DUSP22: variants seen among roughly 807,000 people sequenced by gnomAD.
DUSP22 encodes dual specificity protein phosphatase 22.
Under a neutral mutation model 24.5 loss-of-function variants are expected in DUSP22, and 24 were observed. The observed-to-expected ratio is 0.98, with a 90% CI of 0.71 to 1.38. The LOEUF is 1.38. Among genes scored for constraint, DUSP22 ranks in the 40% most tolerant of loss-of-function variants. DUSP22 has a pLI of 0.00. For synonymous variants in DUSP22, 160 were observed against 106.4 expected (o/e 1.50, Z -3.10); for missense variants, 330 against 269.2 (o/e 1.23, Z -1.58).
At chr6:336,786 G>A (rs1759378694) in intron 4 of DUSP22, among the ~76,000 whole-genome samples, 1 of 152,306 alleles carries the variant, frequency 6.6e-6, no homozygotes, top group South Asian at 2.1e-4. Context: ...AGGAGAAGCA[G>A]CATTAGAGAA....
At chr6:340,607 G>T (rs1759565320) in intron 4 of DUSP22, among the ~76,000 whole-genome samples, 1 of 152,298 alleles carries the variant, frequency 6.6e-6, no homozygotes, top group African/African-American at 2.4e-5. Flanking sequence ...AAGGATGCTT[G>T]CCTTTTTTGG....
intron 2 of DUSP22, among the ~76,000 whole-genome samples, chr6:310,365 CCT>C (rs1405634657): frequency 2.0e-5 from 3 of 152,298 alleles, no homozygotes; most frequent in East Asian, 1.9e-4. Flanking sequence ...CTGCTGGCCC[CCT>C]GTTTTGTAGA....
Position 349,293 on chromosome 6 carries a change from G to T in DUSP22, c.*342G>T, listed in dbSNP as rs1746371466. ...AGTGAGGGTATGTGCACCTAAGTGT[G>T]TACATGTGTGTATGTTGTGAAAGTG... On this transcript the variant is annotated 3_prime_UTR_variant, in exon 7 of 7. Transcript: ENST00000419235. The T allele has an allele frequency of 8.1e-7, 1 of 1,234,030 alleles. No homozygotes were observed. Among genetic ancestry groups the T allele is most frequent in the Non-Finnish European group, 1.0e-6 (1 of 979,020 alleles). The allele number at this position is 1,234,030 out of a possible 1,614,324, so 76.4% of individuals were successfully genotyped here. A position where few individuals can be genotyped will look rare whatever the true frequency, so the allele number is the denominator to read the frequency against.
At chr6:311,843 A>C in intron 2 of DUSP22, 37 bp from the exon 3 acceptor site, 1 of 1,596,250 alleles carries the variant, frequency 6.3e-7, no homozygotes, top group Non-Finnish European at 8.5e-7. Flanking sequence ...TAACTTGCAA[A>C]GATATCAAAA....
At chr6:318,714 A>G (rs112150555) in intron 3 of DUSP22, among the ~76,000 whole-genome samples, 1,629 of 151,874 alleles carry the variant, frequency 0.011, 1 homozygote, top group Non-Finnish European at 0.015. Flanking sequence ...AAAGCCACAC[A>G]TCTCATACAC....
intron 4 of DUSP22, among the ~76,000 whole-genome samples, chr6:341,175 G>A (rs540898700): frequency 1.2e-4 from 18 of 152,418 alleles, no homozygotes; most frequent in African/African-American, 3.4e-4. Flanking sequence ...AGTTTCTAAC[G>A]CAAGCGTGGT....
Position 350,913 on chromosome 6 carries a change from C to G in DUSP22, c.*1962C>G. On this transcript the variant is annotated 3_prime_UTR_variant, in exon 7 of 7. Coordinates refer to ENST00000419235, the MANE Select transcript of DUSP22 (RefSeq NM_001286555.3). The stretch of plus-strand genomic sequence containing the variant: ...ATATTGCAAACCCACAGAGTTTAGG[C>G]TGGTGCTGCCAAAAAGAAAAGCAAC... The G allele has an allele frequency of 6.2e-7, 1 of 1,611,096 alleles. No individual in the cohort carries two copies. The highest frequency in any genetic ancestry group is 8.5e-7 in the Non-Finnish European group (1 of 1,177,846).
At chr6:319,689 G>C (rs1758504377) in intron 3 of DUSP22, among the ~76,000 whole-genome samples, 1 of 152,312 alleles carries the variant, frequency 6.6e-6, no homozygotes, top group African/African-American at 2.4e-5. Flanking sequence ...CAAGTTGCTA[G>C]AAAGGTCCAA....
intron 4 of DUSP22, among the ~76,000 whole-genome samples, chr6:340,212 C>T (rs1401602443): frequency 1.3e-5 from 2 of 152,306 alleles, no homozygotes; most frequent in East Asian, 3.8e-4. Context: ...TTAATGTTGA[C>T]AGTGCGTGAA....
chr6:350,294 T>C lies in DUSP22; in HGVS notation c.*1343T>C. Reference sequence around the variant, plus strand: ...ATTCAGGCCACGAGAGCATCTACAGTTTGTACTCTGGGGCTGCAGGCATCC... The same window carrying C: ...ATTCAGGCCACGAGAGCATCTACAGCTTGTACTCTGGGGCTGCAGGCATCC... On this transcript the variant is annotated 3_prime_UTR_variant, in exon 7 of 7. Transcript: ENST00000419235. 1.0e-6 allele frequency: 1 copy of C among 996,430 alleles called. No individual in the cohort carries two copies. 61.7% of individuals were successfully genotyped at this position (996,430 alleles called of 1,614,324 possible).
intron 1 of DUSP22, among the ~76,000 whole-genome samples, chr6:301,260 T>C: frequency 6.6e-6 from 1 of 152,264 alleles, no homozygotes; most frequent in East Asian, 1.9e-4. Flanking sequence ...ACCCAAGGGA[T>C]AAAGGACCCC....
At chr6:321,745 C>T (rs1411578953) in intron 3 of DUSP22, among the ~76,000 whole-genome samples, 1 of 152,286 alleles carries the variant, frequency 6.6e-6, no homozygotes, top group Non-Finnish European at 1.5e-5. Context: ...AAAAAAGGAA[C>T]AATCCATTGA....
chr6:307,439 T>C (rs975727114), intron 2 of DUSP22, among the ~76,000 whole-genome samples: 2 of 152,428 alleles, frequency 1.3e-5, no homozygotes, highest in South Asian at 2.1e-4. Flanking sequence ...CAAATGGTTT[T>C]GTAGCGCCTG....
At chr6:336,176 A>G (rs1411461367) in intron 4 of DUSP22, among the ~76,000 whole-genome samples, 1 of 152,296 alleles carries the variant, frequency 6.6e-6, no homozygotes, top group Non-Finnish European at 1.5e-5. Flanking sequence ...GAAGTAAAGT[A>G]CTTAGCATCC....
chr6:295,636 A>G (rs9405167), intron 1 of DUSP22, among the ~76,000 whole-genome samples: 3 of 152,280 alleles, frequency 2.0e-5, no homozygotes, highest in East Asian at 3.9e-4. Context: ...AAAAACCCAC[A>G]AAAACAAAGC....
chr6:318,873 C>T (rs908889438), intron 3 of DUSP22, among the ~76,000 whole-genome samples: 2 of 152,298 alleles, frequency 1.3e-5, no homozygotes, highest in African/African-American at 4.8e-5. Flanking sequence ...AGCAATTCAA[C>T]AAGAAAAGGA....
intron 3 of DUSP22, among the ~76,000 whole-genome samples, chr6:329,965 G>T (rs958965905): frequency 6.6e-6 from 1 of 152,184 alleles, no homozygotes; most frequent in African/African-American, 2.4e-5. Context: ...GGTGAAAGTC[G>T]CTCTTGAGAG....
chr6:335,222 A>G (rs1212685388), intron 4 of DUSP22, 59 bp downstream of exon 4: 2 of 1,586,702 alleles, frequency 1.3e-6, no homozygotes, highest in Non-Finnish European at 8.7e-7. Context: ...AGAGGATGGT[A>G]AAGTCAGAGA....
chr6:351,056 TC>T lies in DUSP22; in HGVS notation c.*2109del, dbSNP rs1201169949. On this transcript the variant is annotated 3_prime_UTR_variant, in exon 7 of 7. Transcript: ENST00000419235. ...TATTCTTTAGCAAGAGAAAATATTT[TC>T]CCCTTATCCCCACTGCTGTGGAGGT... 2.9e-5 allele frequency: 26 copies of T among 905,484 alleles called. No homozygotes were observed. In the African/African-American group the frequency reaches 3.5e-4, roughly 12 times the overall value. 56.1% of individuals were successfully genotyped at this position (905,484 alleles called of 1,614,324 possible).
Sources: allele counts gnomAD v4.1 joint callset (sites outside exome capture counted in the v4.1 genomes callset), GRCh38; gene constraint gnomAD v4.1.1; transcripts MANE v1.5; gene names NCBI Gene and HGNC (gene_info 2026-07-23, HGNC 2026-07-21).